ARHGAP23: variants seen among roughly 807,000 people sequenced by gnomAD.
ARHGAP23 encodes rho GTPase-activating protein 23.
Under a neutral mutation model 136.3 loss-of-function variants are expected in ARHGAP23, and 34 were observed. The ratio of observed to expected loss-of-function variants is 0.25; its 90% confidence interval spans 0.19 to 0.33. The LOEUF is 0.33. ARHGAP23 is among the 10% of genes least tolerant of loss of function. The probability of loss-of-function intolerance (pLI) is 1.00; values close to 1 mark genes in which losing one functional copy is unlikely to be tolerated. For synonymous variants in ARHGAP23, 832 were observed against 920.5 expected (o/e 0.90, Z 1.74); for missense variants, 1,808 against 2,139.0 (o/e 0.85, Z 3.05).
intron 1 of ARHGAP23, among the ~76,000 whole-genome samples, chr17:38,454,713 G>A (rs1597777963): frequency 1.3e-5 from 2 of 152,282 alleles, no homozygotes; most frequent in South Asian, 4.2e-4. Context: ...AGGCTGGTAG[G>A]GTGTGAGTCA....
In ARHGAP23 at chr17:38,469,779, T is replaced by C. The variant is rs1425120295; in HGVS notation, c.1917-68T>C. 2.0e-6 allele frequency: 3 copies of C among 1,535,656 alleles called. No homozygotes were observed. In the African/African-American group the frequency reaches 4.1e-5, roughly 21 times the overall value. ...GAAGGCTTCTGGGCTTGGGGTTTGGTGGGTGACGAGATAGTGAGGTCCCAG... is the reference window on the plus strand; with the variant it reads ...GAAGGCTTCTGGGCTTGGGGTTTGGCGGGTGACGAGATAGTGAGGTCCCAG... On this transcript the variant is annotated intron_variant, in intron 9 of 23. Coordinates refer to ENST00000622683, the MANE Select transcript of ARHGAP23 (RefSeq NM_001199417.2).
At chr17:38,497,850 TG>T (rs1464841182) in intron 21 of ARHGAP23, 24 bp downstream of exon 21, 1 of 1,550,936 alleles carries the variant, frequency 6.4e-7, no homozygotes, top group South Asian at 1.2e-5. Context: ...CGGGCTGGGC[TG>T]GCATGGGGGC....
chr17:38,490,586 C>G (rs1207460862), intron 19 of ARHGAP23, 35 bp downstream of exon 19: 2 of 1,448,634 alleles, frequency 1.4e-6, no homozygotes, highest in Admixed American at 2.0e-5. Context: ...CTGGGGGAGG[C>G]AAGCACGGAC....
chr17:38,424,817 G>A (rs1316391156), upstream of ARHGAP23, among the ~76,000 whole-genome samples: 1 of 152,216 alleles, frequency 6.6e-6, no homozygotes, highest in Admixed American at 6.5e-5. Flanking sequence ...ATAGAATGAG[G>A]ATTGAGATCT....
intron 9 of ARHGAP23, 47 bp from the exon 10 acceptor site, chr17:38,469,800 C>T (rs1597801439): frequency 1.3e-6 from 2 of 1,547,960 alleles, no homozygotes; most frequent in Non-Finnish European, 1.7e-6. Flanking sequence ...ATAGTGAGGT[C>T]CCAGCTTTGC....
intron 1 of ARHGAP23, among the ~76,000 whole-genome samples, chr17:38,440,145 A>C (rs188938274): frequency 6.6e-5 from 10 of 152,202 alleles, no homozygotes; most frequent in African/African-American, 2.2e-4. Flanking sequence ...CAGCCTCCCG[A>C]GTAGCTGGAA....
upstream of ARHGAP23, among the ~76,000 whole-genome samples, chr17:38,425,965 C>T (rs998760787): frequency 2.6e-5 from 4 of 151,752 alleles, no homozygotes; most frequent in African/African-American, 4.8e-5. Context: ...ATTCGCCTGC[C>T]GGTCAGTGTG....
At chr17:38,433,452 C>G (rs1317000007) in intron 1 of ARHGAP23, among the ~76,000 whole-genome samples, 1 of 152,138 alleles carries the variant, frequency 6.6e-6, no homozygotes, top group Non-Finnish European at 1.5e-5. Flanking sequence ...TCAGAGCAAT[C>G]TAAAGAGAAA....
At chr17:38,435,801 A>G (rs1418818643) in intron 1 of ARHGAP23, among the ~76,000 whole-genome samples, 1 of 152,064 alleles carries the variant, frequency 6.6e-6, no homozygotes, top group Non-Finnish European at 1.5e-5. Flanking sequence ...GGCGTTCACC[A>G]TGTTGGTCAG....
chr17:38,465,115 G>T lies in ARHGAP23; in HGVS notation c.484-1052G>T, dbSNP rs765996225. 2.0e-5 allele frequency among the ~76,000 whole-genome samples: 3 copies of T among 152,030 alleles called. No homozygotes were observed. The East Asian group carries it at 5.8e-4, about 29-fold the overall frequency. ...CGGAGCTGGGGGTGGGCGGAGGCGGGCTGGGATGCTGCCGCCGCCGTGATG... is the reference window on the plus strand; with the variant it reads ...CGGAGCTGGGGGTGGGCGGAGGCGGTCTGGGATGCTGCCGCCGCCGTGATG... On this transcript the variant is annotated intron_variant, in intron 6 of 23. Coordinates refer to ENST00000622683, the MANE Select transcript of ARHGAP23 (RefSeq NM_001199417.2).
Position 38,466,574 on chromosome 17 carries a change from C to A in ARHGAP23, c.891C>A (p.Pro297=). Residue 297 remains proline (P), a synonymous_variant, in exon 7 of 24, where the codon CCC becomes CCA. Coordinates refer to ENST00000622683, the MANE Select transcript of ARHGAP23 (RefSeq NM_001199417.2). The part of the protein sequence containing the change: ...ALSHWLSNQV[P]RRAGERRCPA... ...CACACTGGCTGTCAAACCAGGTACC[C>A]CGCCGGGCGGGGGAGAGACGGTGCC... 6.7e-7 allele frequency: 1 copy of A among 1,494,076 alleles called. No homozygotes were observed. The highest frequency in any genetic ancestry group is 8.9e-7 in the Non-Finnish European group (1 of 1,127,210). 92.6% of individuals were successfully genotyped at this position (1,494,076 alleles called of 1,614,324 possible).
intron 17 of ARHGAP23, among the ~76,000 whole-genome samples, chr17:38,489,473 G>A (rs1281231681): frequency 3.4e-5 from 5 of 147,920 alleles, no homozygotes; most frequent in Non-Finnish European, 5.9e-5. Context: ...CATATGGCCC[G>A]CTTCCCCCCT....
chr17:38,430,975 T>TAC (rs2038673503), intron 1 of ARHGAP23, among the ~76,000 whole-genome samples: 1 of 152,206 alleles, frequency 6.6e-6, no homozygotes, highest in African/African-American at 2.4e-5. Flanking sequence ...AAGAGGTAGA[T>TAC]ACCATTATTA....
intron 17 of ARHGAP23, among the ~76,000 whole-genome samples, chr17:38,488,333 G>A (rs2040201249): frequency 6.6e-6 from 1 of 151,954 alleles, no homozygotes; most frequent in African/African-American, 2.4e-5. Context: ...TTAGCATATT[G>A]GCTGTTTCTA....
At chr17:38,427,568 G>A (rs1379273433), upstream of ARHGAP23, among the ~76,000 whole-genome samples, 1 of 152,208 alleles carries the variant, frequency 6.6e-6, no homozygotes. Flanking sequence ...AGCTGGCTCA[G>A]GACCAGGGCA....
intron 1 of ARHGAP23, chr17:38,451,578 T>G (rs1287905232): frequency 6.6e-6 from 1 of 152,232 alleles, no homozygotes; most frequent in Non-Finnish European, 1.5e-5. Context: ...AACCAGGGAC[T>G]GGACTAGCAG....
intron 11 of ARHGAP23, among the ~76,000 whole-genome samples, chr17:38,475,290 G>A (rs1003701252): frequency 2.0e-5 from 3 of 152,196 alleles, no homozygotes; most frequent in Non-Finnish European, 4.4e-5. Context: ...ATGCAGCCTT[G>A]GTGACCAACT....
In ARHGAP23 at chr17:38,466,240, C is replaced by T. The variant is rs542426232; in HGVS notation, c.557C>T (p.Pro186Leu). 5 of 1,546,894 alleles carry T rather than the reference C, an allele frequency of 3.2e-6. No homozygotes were observed. The highest frequency in any genetic ancestry group is 2.5e-5 in the East Asian group (1 of 40,800). Residue 186 changes from proline (P) to leucine (L), a missense_variant, in exon 7 of 24, where the codon CCC (proline) becomes CTC (leucine). Pro to Leu is a moderately conservative substitution (Grantham distance 98, BLOSUM62 -3). Coordinates refer to ENST00000622683, the MANE Select transcript of ARHGAP23 (RefSeq NM_001199417.2). ...SGEARSIPEP[P>L]PICYPRKTYA... is the part of the protein sequence containing the mutation. ...GAGGCCCGCAGCATCCCAGAGCCAC[C>T]CCCGATCTGCTACCCCCGCAAGACC... is the stretch of plus-strand genomic sequence containing the variant.
intron 16 of ARHGAP23, among the ~76,000 whole-genome samples, chr17:38,483,193 G>A (rs2144724395): frequency 6.6e-6 from 1 of 152,180 alleles, no homozygotes; most frequent in East Asian, 1.9e-4. Flanking sequence ...TTAGCTCAAG[G>A]GCCATCCAAA....
Sources: gnomAD v4.1 joint callset for allele counts (sites outside exome capture counted in the v4.1 genomes callset) on GRCh38, gnomAD v4.1.1 for gene constraint, MANE v1.5 for transcripts, NCBI Gene and HGNC (gene_info 2026-07-23, HGNC 2026-07-21) for gene names.